ATP2B2: variants seen among roughly 807,000 people sequenced by gnomAD.
The protein encoded by ATP2B2 is plasma membrane calcium-transporting ATPase 2.
ATP2B2 carries 15 observed loss-of-function variants against 120.0 expected under a neutral mutation model. That is an observed-to-expected ratio of 0.12 (90% CI 0.08 to 0.19). The LOEUF is 0.19. Ranked by LOEUF, ATP2B2 falls within the 10% of genes least tolerant of loss-of-function variation. The pLI is 1.00. For missense variants in ATP2B2, 1,045 were observed against 1,719.8 expected (o/e 0.61, Z 6.94); for synonymous variants, 694 against 700.3 (o/e 0.99, Z 0.14).
chr3:10,534,290 G>A (rs1238955897), intron 2 of ATP2B2, among the ~76,000 whole-genome samples: 1 of 152,204 alleles, frequency 6.6e-6, no homozygotes, highest in Non-Finnish European at 1.5e-5. Context: ...CTTGCCTTCT[G>A]CATTCAGACC....
intron 1 of ATP2B2, among the ~76,000 whole-genome samples, chr3:10,701,614 A>G (rs2071820514): frequency 1.3e-5 from 2 of 150,502 alleles, no homozygotes; most frequent in Admixed American, 1.3e-4. Context: ...CTGAGGATGC[A>G]ATTTTTTTTT....
rs181957113 is a variant in ATP2B2 at position 10,512,949 on chromosome 3, G to A, written c.-320+21090C>T. On this transcript the variant is annotated intron_variant, in intron 3 of 21. Transcript: ENST00000646379. The stretch of plus-strand genomic sequence containing the variant: ...GGCTCCTCATTTGTAAAATGCGCAC[G>A]ATGCCATGTGCTTCCTGCTTCTCCA... 9.8e-5 allele frequency among the ~76,000 whole-genome samples: 15 copies of A among 152,314 alleles called. No individual in the cohort carries two copies. The East Asian group carries it at 2.7e-3, about 27-fold the overall frequency.
intron 1 of ATP2B2, among the ~76,000 whole-genome samples, chr3:10,668,827 G>A (rs2071017598): frequency 6.6e-6 from 1 of 152,218 alleles, no homozygotes; most frequent in Non-Finnish European, 1.5e-5. Context: ...TGTATCCCCA[G>A]CCCCTAGCAT....
At chr3:10,407,332 G>T (rs997035786) in intron 3 of ATP2B2, among the ~76,000 whole-genome samples, 1 of 152,216 alleles carries the variant, frequency 6.6e-6, no homozygotes, top group Admixed American at 6.5e-5. Flanking sequence ...TGGTGAAGCC[G>T]GTGGTGGAAG....
chr3:10,680,010 G>T lies in ATP2B2; in HGVS notation c.-460+27905C>A, dbSNP rs187733968. ...CCACGAGGGATCTTTGTCTGTTTTG[G>T]TCATTGCTGGAGCCCCAGCACCTAG... On this transcript the variant is annotated intron_variant, in intron 1 of 21. Coordinates refer to the ATP2B2 transcript ENST00000646379. 3.0e-3 allele frequency among the ~76,000 whole-genome samples: 451 copies of T among 152,276 alleles called. 3 individuals carry two copies. Among genetic ancestry groups the T allele is most frequent in the African/African-American group, 0.01 (417 of 41,548 alleles).
At chr3:10,387,234 C>T (rs2061707395) in intron 6 of ATP2B2, among the ~76,000 whole-genome samples, 1 of 152,248 alleles carries the variant, frequency 6.6e-6, no homozygotes, top group African/African-American at 2.4e-5. Context: ...TTTCCCAGAA[C>T]ACAGCTCAGC....
chr3:10,517,408 C>G (rs554994809), intron 3 of ATP2B2, among the ~76,000 whole-genome samples: 102 of 152,312 alleles, frequency 6.7e-4, no homozygotes, highest in Non-Finnish European at 1.2e-3. Flanking sequence ...CCATGGTTTC[C>G]CCATATTCAA....
intron 2 of ATP2B2, among the ~76,000 whole-genome samples, chr3:10,559,099 T>C (rs1170342006): frequency 6.6e-6 from 1 of 152,266 alleles, no homozygotes; most frequent in African/African-American, 2.4e-5. Flanking sequence ...AGTTTTGAAA[T>C]GCAAGTCCCC....
chr3:10,421,884 C>T (rs1045310865), intron 2 of ATP2B2, among the ~76,000 whole-genome samples: 6 of 152,206 alleles, frequency 3.9e-5, no homozygotes, highest in African/African-American at 9.6e-5. Flanking sequence ...CCCAGAAGAA[C>T]ATTTACTATC....
chr3:10,373,899 C>A lies in ATP2B2; in HGVS notation c.1416+1531G>T, dbSNP rs368898269. Among the ~76,000 whole-genome samples the A allele has an allele frequency of 8.5e-5, 13 of 152,222 alleles. No individual in the cohort carries two copies. The East Asian group carries it at 1.7e-3, about 20-fold the overall frequency. Reference sequence around the variant, plus strand: ...TGCTACTAGGAAACTTAAAATTGCACACGTGGCTCACATTCTGTCTCTTTT... The same window carrying A: ...TGCTACTAGGAAACTTAAAATTGCAAACGTGGCTCACATTCTGTCTCTTTT... On this transcript the variant is annotated intron_variant, in intron 11 of 22. Coordinates refer to ENST00000360273, the MANE Select transcript of ATP2B2 (RefSeq NM_001001331.4).
intron 5 of ATP2B2, among the ~76,000 whole-genome samples, chr3:10,391,674 G>C (rs952221537): frequency 6.6e-6 from 1 of 152,162 alleles, no homozygotes; most frequent in Admixed American, 6.5e-5. Flanking sequence ...CTGAGCAATA[G>C]CCAGGGCAGG....
rs1287847073 is a variant in ATP2B2, at chr3:10,326,825, G to T, written c.*1989C>A. 2.5e-6 allele frequency: 1 copy of T among 398,902 alleles called. No homozygotes were observed. The highest frequency in any genetic ancestry group is 4.4e-5 in the Admixed American group (1 of 22,702). The allele number at this position is 398,902 out of a possible 1,614,324, so 24.7% of individuals were successfully genotyped here. On this transcript the variant is annotated 3_prime_UTR_variant, in exon 23 of 23. Transcript: ENST00000360273. ...CCTCAAGTTTTTCCACCGCCATCCA[G>T]ATGTAGGCCCTCCCAGTTGACTATG...
At chr3:10,601,742 C>T (rs2068927231) in intron 2 of ATP2B2, among the ~76,000 whole-genome samples, 1 of 152,208 alleles carries the variant, frequency 6.6e-6, no homozygotes, top group African/African-American at 2.4e-5. Flanking sequence ...GCAGCTCACA[C>T]CTGACATCAG....
chr3:10,480,077 G>A (rs1482184745), intron 1 of ATP2B2, among the ~76,000 whole-genome samples: 1 of 152,188 alleles, frequency 6.6e-6, no homozygotes, highest in Non-Finnish European at 1.5e-5. Context: ...GAGCCTGGGT[G>A]ACAGAGTGAG....
intron 1 of ATP2B2, among the ~76,000 whole-genome samples, chr3:10,505,201 C>T (rs1416454368): frequency 6.6e-6 from 1 of 152,028 alleles, no homozygotes; most frequent in Non-Finnish European, 1.5e-5. Context: ...CTGTCCTAGT[C>T]CCCAGCATCC....
chr3:10,331,647 A>G (rs1481710360), intron 22 of ATP2B2, among the ~76,000 whole-genome samples: 1 of 124,876 alleles, frequency 8.0e-6, no homozygotes, highest in Admixed American at 8.7e-5. Flanking sequence ...CTGAAATGGA[A>G]AAAACTATGG....
intron 3 of ATP2B2, among the ~76,000 whole-genome samples, chr3:10,520,401 C>T (rs552170655): frequency 5.0e-4 from 76 of 152,226 alleles, no homozygotes; most frequent in African/African-American, 1.3e-3. Flanking sequence ...CTGTGGGAGG[C>T]GGGTGGAGAG....
chr3:10,405,661 T>G (rs1259640364), intron 3 of ATP2B2, among the ~76,000 whole-genome samples: 1 of 152,180 alleles, frequency 6.6e-6, no homozygotes, highest in African/African-American at 2.4e-5. Context: ...CTGCTCTTCC[T>G]GGACCTGCGG....
chr3:10,399,179 C>T (rs1472210535), intron 5 of ATP2B2, among the ~76,000 whole-genome samples: 1 of 152,206 alleles, frequency 6.6e-6, no homozygotes, highest in Non-Finnish European at 1.5e-5. Context: ...CTGGCCACTG[C>T]CCCCAAGGAT....
Sources: allele counts gnomAD v4.1 joint callset (sites outside exome capture counted in the v4.1 genomes callset), GRCh38; gene constraint gnomAD v4.1.1; transcripts MANE v1.5; gene names NCBI Gene and HGNC (gene_info 2026-07-23, HGNC 2026-07-21).